KSR1: variants seen among roughly 807,000 people sequenced by gnomAD.
KSR1 encodes kinase suppressor of ras 1, also known as kinase suppressor of ras.
In KSR1, 35 loss-of-function variants were observed where a neutral mutation model predicts 92.9. The ratio of observed to expected loss-of-function variants is 0.38; its 90% CI spans 0.29 to 0.50. KSR1 has a LOEUF of 0.50. Among genes scored for constraint, KSR1 ranks in the 20% least tolerant of loss-of-function variants. The probability of loss-of-function intolerance (pLI) is 0.94; values close to 1 mark genes in which losing one functional copy is unlikely to be tolerated. For missense variants in KSR1, 972 were observed against 1,158.5 expected, an observed-to-expected ratio of 0.84 and a Z score of 2.34; for synonymous variants, 467 against 472.6, an observed-to-expected ratio of 0.99 and a Z score of 0.15.
intron 3 of KSR1, 106 bp from the exon 4 acceptor site, chr17:27,582,540 A>G (rs189628007): frequency 7.9e-6 from 8 of 1,011,458 alleles, no homozygotes; most frequent in Non-Finnish European, 1.2e-5. Flanking sequence ...CCCTTAAGAA[A>G]CAGTGCAGCC....
chr17:27,574,556 AAAAC>A (rs1237660358), intron 2 of KSR1, among the ~76,000 whole-genome samples: 9 of 152,228 alleles, frequency 5.9e-5, no homozygotes, highest in African/African-American at 1.2e-4. Context: ...GGTACAGTAA[AAAAC>A]AAACAAATAC....
Position 27,597,279 on chromosome 17 carries a change from G to T in KSR1, c.1311G>T (p.Pro437=), listed in dbSNP as rs774836293. The T allele has an allele frequency of 3.8e-6, 6 of 1,591,612 alleles. No individual in the cohort carries two copies. Among genetic ancestry groups the T allele is most frequent in the African/African-American group, 1.3e-5 (1 of 74,354 alleles). ...PKALTKKEHP[P]AMNHLDSSSN... is the part of the protein sequence containing the mutation. Reference sequence around the variant, plus strand: ...CTCTGGTCCTGCAGGAGCACCCTCCGGCCATGAATCACCTGGACTCCAGCA... The same window carrying T: ...CTCTGGTCCTGCAGGAGCACCCTCCTGCCATGAATCACCTGGACTCCAGCA... Residue 437 remains proline (P), a synonymous_variant, in exon 10 of 21, where the codon CCG becomes CCT. Transcript: ENST00000644974.
chr17:27,460,503 T>C (rs1170674865), intron 1 of KSR1, among the ~76,000 whole-genome samples: 1 of 151,452 alleles, frequency 6.6e-6, no homozygotes, highest in Non-Finnish European at 1.5e-5. Flanking sequence ...CTGGGGGAGG[T>C]GATGTTGGCA....
At chr17:27,458,656 T>C (rs2019293890) in intron 1 of KSR1, among the ~76,000 whole-genome samples, 1 of 152,212 alleles carries the variant, frequency 6.6e-6, no homozygotes. Context: ...CGATCATCCC[T>C]GGCAGCAGAG....
rs547996312 is a variant in KSR1 at position 27,522,106 on chromosome 17, A to G, written c.232-28462A>G. ...GGTACCTGGCCAGAGCAAGCTTTCA[A>G]TAAATGTTGTGGAGTGGAAAGGTGG... On this transcript the variant is annotated intron_variant, in intron 1 of 20. Coordinates refer to ENST00000644974, the MANE Select transcript of KSR1 (RefSeq NM_001394583.1). 9.9e-5 allele frequency among the ~76,000 whole-genome samples: 15 copies of G among 152,272 alleles called. No individual in the cohort carries two copies. In the South Asian group the frequency reaches 2.9e-3, roughly 29 times the overall value.
At chr17:27,605,409 C>G in intron 13 of KSR1, 25 bp from the exon 14 acceptor site, 1 of 1,600,104 alleles carries the variant, frequency 6.2e-7, no homozygotes, top group South Asian at 1.1e-5. Context: ...GCTGCCCATC[C>G]CTGTTCTTCC....
chr17:27,482,434 C>T lies in KSR1; in HGVS notation c.231+25560C>T, dbSNP rs752133353. On this transcript the variant is annotated intron_variant, in intron 1 of 20. Transcript: ENST00000644974. ...GCAGGTGGGAACAACCCATTGTTTA[C>T]GTTTATAAGATGCTAGCTCAATAAA... Among the ~76,000 whole-genome samples, 11 of 152,184 alleles carry T rather than the reference C, an allele frequency of 7.2e-5. 1 individual carries two copies. In the South Asian group the frequency reaches 1.7e-3, roughly 23 times the overall value.
intron 2 of KSR1, among the ~76,000 whole-genome samples, chr17:27,571,865 T>G (rs1387815119): frequency 6.6e-6 from 1 of 151,926 alleles, no homozygotes; most frequent in Non-Finnish European, 1.5e-5. Flanking sequence ...CCACAGGGAG[T>G]GTGGCGCCTC....
intron 2 of KSR1, among the ~76,000 whole-genome samples, chr17:27,568,976 A>G (rs981282067): frequency 3.9e-5 from 6 of 152,168 alleles, no homozygotes; most frequent in African/African-American, 1.4e-4. Flanking sequence ...GTGTCACCCA[A>G]GGTTAACGCA....
At chr17:27,588,255 C>G (rs62057826) in intron 5 of KSR1, 50,041 of 361,298 alleles carry the variant, frequency 0.14, 4,049 homozygotes, top group East Asian at 0.25. Flanking sequence ...CCTCAGAGGC[C>G]AGGAGCAAGC....
At chr17:27,558,877 C>G (rs2071713810) in intron 2 of KSR1, among the ~76,000 whole-genome samples, 1 of 152,076 alleles carries the variant, frequency 6.6e-6, no homozygotes, top group Admixed American at 6.5e-5. Context: ...GGGATTTGTC[C>G]CTTCAGTCAC....
At chr17:27,473,272 G>T (rs2020119497) in intron 1 of KSR1, among the ~76,000 whole-genome samples, 2 of 152,128 alleles carry the variant, frequency 1.3e-5, no homozygotes, top group African/African-American at 4.8e-5. Context: ...TCTTGTTCAG[G>T]GCAGAAAGAG....
In KSR1 at chr17:27,582,715, C is replaced by A. The variant is rs1467598665; in HGVS notation, c.590C>A (p.Ser197Tyr). 1.9e-6 allele frequency: 3 copies of A among 1,613,862 alleles called. No individual in the cohort carries two copies. Among genetic ancestry groups the A allele is most frequent in the Non-Finnish European group, 1.7e-6 (2 of 1,179,838 alleles). Residue 197 changes from serine (S) to tyrosine (Y), a missense_variant, in exon 4 of 21, where the codon TCC becomes TAC. Physicochemically the swap from Ser to Tyr is moderately radical, Grantham distance 144. Coordinates refer to ENST00000644974, the MANE Select transcript of KSR1 (RefSeq NM_001394583.1). ...CGGCGGGAAAGTGGCTCAGGGCCTT[C>A]CACGGACACCCTCTCAGCAGCCAGC... ...DARRESGSGP[S>Y]TDTLSAASLP...
At chr17:27,524,700 G>C (rs562401543) in intron 1 of KSR1, among the ~76,000 whole-genome samples, 1 of 152,304 alleles carries the variant, frequency 6.6e-6, no homozygotes, top group African/African-American at 2.4e-5. Flanking sequence ...AGAGGAAGTA[G>C]GTCAAAACCT....
At position 27,607,443 on chromosome 17, in the gene KSR1, C is replaced by T. The variant is rs563809853; in HGVS notation, c.1995-471C>T. ...CCCTAACATCTACCCCACCCCCTTT[C>T]CCTCCTTGCACACTCCTTTATTGTA... On this transcript the variant is annotated intron_variant, in intron 14 of 20. Transcript: ENST00000644974. Among the ~76,000 whole-genome samples the T allele has an allele frequency of 1.6e-3, 236 of 152,230 alleles. 1 individual carries two copies. Among genetic ancestry groups the T allele is most frequent in the Non-Finnish European group, 2.6e-3 (176 of 68,004 alleles).
At chr17:27,598,720 C>A (rs1056075660) in intron 10 of KSR1, among the ~76,000 whole-genome samples, 2 of 152,212 alleles carry the variant, frequency 1.3e-5, no homozygotes, top group Non-Finnish European at 2.9e-5. Context: ...AGAAAAAGTT[C>A]TTTTTGCACA....
chr17:27,607,882 G>A (rs1429158354), intron 14 of KSR1, 32 bp from the exon 15 acceptor site: 3 of 1,544,806 alleles, frequency 1.9e-6, no homozygotes, highest in South Asian at 2.3e-5. Flanking sequence ...ACCAGCCCCA[G>A]ACTTGTGCTT....
intron 1 of KSR1, among the ~76,000 whole-genome samples, chr17:27,539,766 G>A (rs1294239718): frequency 6.6e-6 from 1 of 152,188 alleles, no homozygotes. Context: ...TGAGATATTG[G>A]GGGGTTACAT....
At chr17:27,621,512 G>A (rs575501740) in intron 20 of KSR1, among the ~76,000 whole-genome samples, 4 of 152,326 alleles carry the variant, frequency 2.6e-5, no homozygotes, top group Admixed American at 2.6e-4. Flanking sequence ...CACCATGAGT[G>A]AATGGGTGGC....
Sources: gnomAD v4.1 joint callset for allele counts (sites outside exome capture counted in the v4.1 genomes callset) on GRCh38, gnomAD v4.1.1 for gene constraint, MANE v1.5 for transcripts, NCBI Gene and HGNC (gene_info 2026-07-23, HGNC 2026-07-21) for gene names.